The following RORC variants were observed in gnomAD, a reference collection of about 807,000 sequenced individuals.
RORC encodes the protein RAR related orphan receptor C, also known as nuclear receptor ROR-gamma.
Under a neutral mutation model 64.5 loss-of-function variants are expected in RORC, and 13 were observed. The observed-to-expected ratio is 0.20, with a 90% CI of 0.13 to 0.32. RORC has a LOEUF of 0.32. Among genes scored for constraint, RORC ranks in the 10% least tolerant of loss-of-function variants. The pLI is 1.00. For missense variants in RORC, 468 were observed against 669.5 expected, an observed-to-expected ratio of 0.70 and a Z score of 3.32; for synonymous variants, 277 against 259.3, an observed-to-expected ratio of 1.07 and a Z score of -0.65.
chr1:151,807,425 G>A lies in RORC; in HGVS notation c.*47C>T, dbSNP rs1022784623. 5 of 1,586,066 alleles carry A rather than the reference G, an allele frequency of 3.2e-6. No homozygotes were observed. In the African/African-American group the frequency reaches 6.7e-5, roughly 21 times the overall value. On this transcript the variant is annotated 3_prime_UTR_variant, in exon 11 of 11. Coordinates refer to ENST00000318247, the MANE Select transcript of RORC (RefSeq NM_005060.4). The surrounding 1 kb of genome is among the most constrained non-coding windows in gnomAD (Gnocchi z 5.0). ...GTGAGGGTGGAACGGGGTCCAGGGA[G>A]GTGGGCCAGCAGGCCATAGGGAGAG...
Position 151,818,628 on chromosome 1 carries a change from C to G in RORC, c.71-1348G>C, listed in dbSNP as rs577861390. On this transcript the variant is annotated intron_variant, in intron 2 of 10. Coordinates refer to ENST00000318247, the MANE Select transcript of RORC (RefSeq NM_005060.4). ...TTCCCAGAGCACATGGGTCTCTTTTCCACCATCACTGACCTGCTGCCTCCC... is the reference window on the plus strand; with the variant it reads ...TTCCCAGAGCACATGGGTCTCTTTTGCACCATCACTGACCTGCTGCCTCCC... Among the ~76,000 whole-genome samples the G allele has an allele frequency of 2.0e-5, 3 of 152,338 alleles. No individual in the cohort carries two copies. The South Asian group carries it at 6.2e-4, about 32-fold the overall frequency.
intron 2 of RORC, among the ~76,000 whole-genome samples, chr1:151,823,204 A>C: frequency 6.6e-6 from 1 of 152,026 alleles, no homozygotes; most frequent in Admixed American, 6.6e-5. Context: ...TACCCTGGGG[A>C]CTTGGAGTCC....
At chr1:151,823,178 C>G (rs1652058590) in intron 2 of RORC, among the ~76,000 whole-genome samples, 1 of 152,110 alleles carries the variant, frequency 6.6e-6, no homozygotes, top group South Asian at 2.1e-4. Flanking sequence ...CCTGGGCTCT[C>G]AGGGTGATAT....
intron 7 of RORC, 42 bp downstream of exon 7, chr1:151,813,446 C>G (rs1230766452): frequency 2.5e-6 from 4 of 1,613,310 alleles, no homozygotes; most frequent in Admixed American, 3.3e-5. Context: ...CCACTTGGCT[C>G]TGTCCCCTTG....
intron 2 of RORC, among the ~76,000 whole-genome samples, chr1:151,823,004 G>A (rs1403336517): frequency 6.6e-6 from 1 of 152,182 alleles, no homozygotes; most frequent in Non-Finnish European, 1.5e-5. Flanking sequence ...CCTTGGTAGG[G>A]ACCGAATATT....
intron 8 of RORC, 43 bp downstream of exon 8, chr1:151,813,196 G>T (rs202231523): frequency 3.8e-6 from 6 of 1,568,976 alleles, no homozygotes; most frequent in African/African-American, 2.7e-5. Context: ...TTTGCCTGGG[G>T]TTGGCATCAG....
intron 2 of RORC, among the ~76,000 whole-genome samples, chr1:151,826,824 A>G (rs1364376036): frequency 6.6e-6 from 1 of 152,208 alleles, no homozygotes; most frequent in African/African-American, 2.4e-5. Flanking sequence ...TCCTCACAAA[A>G]TACTTTATGT....
Position 151,815,142 on chromosome 1 carries a change from C to A in RORC, c.582G>T (p.Gly194=). ...PSYSNNLAKA[G]LNGASCHLEY... The stretch of plus-strand genomic sequence containing the variant: ...CAAGGTGGCATGAGGCCCCATTGAG[C>A]CCTGCCTTGGCCAAGTTGTTGGAAT... Residue 194 remains glycine (G), a synonymous_variant, in exon 5 of 11, where the codon GGG becomes GGT. Coordinates refer to ENST00000318247, the MANE Select transcript of RORC (RefSeq NM_005060.4). 6.2e-7 allele frequency: 1 copy of A among 1,614,056 alleles called. No individual in the cohort carries two copies. The highest frequency in any genetic ancestry group is 1.1e-5 in the South Asian group (1 of 91,062).
chr1:151,811,527 G>C, intron 9 of RORC, 93 bp from the exon 10 acceptor site: 1 of 749,514 alleles, frequency 1.3e-6, no homozygotes, highest in Non-Finnish European at 2.3e-6. Flanking sequence ...ATCTGTGCTG[G>C]ATAGAGGTCT....
In RORC at chr1:151,821,658, C is replaced by G. The variant is rs920632229; in HGVS notation, c.71-4378G>C. 3.9e-5 allele frequency among the ~76,000 whole-genome samples: 6 copies of G among 152,272 alleles called. No individual in the cohort carries two copies. The East Asian group carries it at 1.2e-3, about 29-fold the overall frequency. ...GAAGTGGCAGATCTGGCATTTGAAC[C>G]TAGATCTCTGTAATTCTGCAGCCAG... On this transcript the variant is annotated intron_variant, in intron 2 of 10. Transcript: ENST00000318247.
chr1:151,827,913 G>A (rs527809354), intron 2 of RORC, among the ~76,000 whole-genome samples: 2 of 152,010 alleles, frequency 1.3e-5, no homozygotes, highest in South Asian at 4.2e-4. Flanking sequence ...CTGCTGCTCC[G>A]AAAGTCCCCC....
At chr1:151,812,316 G>C (rs768968466) in intron 9 of RORC, 2 of 152,176 alleles carry the variant, frequency 1.3e-5, no homozygotes, top group African/African-American at 4.8e-5. Flanking sequence ...CCATCCTGCT[G>C]TTCACTTTTA....
intron 10 of RORC, among the ~76,000 whole-genome samples, chr1:151,808,631 T>C (rs2101650404): frequency 6.6e-6 from 1 of 152,320 alleles, no homozygotes; most frequent in African/African-American, 2.4e-5. Context: ...CAAATATTTG[T>C]TGAGAACACA....
In RORC at chr1:151,807,735, T is replaced by G; in HGVS notation, c.1396-102A>C. On this transcript the variant is annotated intron_variant, in intron 10 of 10. Transcript: ENST00000318247. This position sits in a 1 kb window ranked among gnomAD's most constrained non-coding sequence, Gnocchi z 5.0. ...TGGGCTAGGACAAACCCTCCTTGCC[T>G]TCCCCTTATGTACTTGGCACTTTGG... 1 of 1,289,442 alleles carries G rather than the reference T, an allele frequency of 7.8e-7. No homozygotes were observed. Among genetic ancestry groups the G allele is most frequent in the Non-Finnish European group, 1.1e-6 (1 of 927,838 alleles). The allele number at this position is 1,289,442 out of a possible 1,614,324, so 79.9% of individuals were successfully genotyped here. A position where few individuals can be genotyped will look rare whatever the true frequency, so the allele number is the denominator to read the frequency against.
chr1:151,831,575 G>T, intron 1 of RORC, 150 bp downstream of exon 1: 1 of 1,500,080 alleles, frequency 6.7e-7, no homozygotes, highest in Non-Finnish European at 9.1e-7. Flanking sequence ...TTCTCCTCCA[G>T]TTTCACTCCC....
chr1:151,809,013 A>G, intron 10 of RORC, among the ~76,000 whole-genome samples: 1 of 152,198 alleles, frequency 6.6e-6, no homozygotes, highest in East Asian at 1.9e-4. Context: ...CAAGTGAGAA[A>G]AGAAGGCAGG....
chr1:151,815,442 G>T lies in RORC; in HGVS notation c.299-17C>A. On this transcript the variant is annotated splice_polypyrimidine_tract_variant and intron_variant, in intron 4 of 10. Transcript: ENST00000318247. ...ACTTGACAGCTGAAAGAGGTCCAGGGACCAGGGGTTTATGAGGCAGGAGAA... is the reference window on the plus strand; with the variant it reads ...ACTTGACAGCTGAAAGAGGTCCAGGTACCAGGGGTTTATGAGGCAGGAGAA... The T allele has an allele frequency of 6.6e-7, 1 of 1,518,858 alleles. No individual in the cohort carries two copies. Among genetic ancestry groups the T allele is most frequent in the South Asian group, 1.3e-5 (1 of 75,348 alleles). 94.1% of individuals were successfully genotyped at this position (1,518,858 alleles called of 1,614,324 possible).
chr1:151,829,032 GCTGAGTTC>G lies in RORC; in HGVS notation c.70+389_70+396del, dbSNP rs569328811. Among the ~76,000 whole-genome samples, 38 of 150,058 alleles carry G rather than the reference GCTGAGTTC, an allele frequency of 2.5e-4. No homozygotes were observed. In the South Asian group the frequency reaches 6.7e-3, roughly 27 times the overall value. ...GCTCCCTGTCTCCCTTGGCAGCAGC[GCTGAGTTC>G]CTGAGTTCCTGAGGCCACCCCGCCT... is the stretch of plus-strand genomic sequence containing the variant. On this transcript the variant is annotated intron_variant, in intron 2 of 10. Transcript: ENST00000318247.
chr1:151,816,117 CCTT>C (rs1558166142), intron 4 of RORC, among the ~76,000 whole-genome samples: 1 of 152,198 alleles, frequency 6.6e-6, no homozygotes, highest in African/African-American at 2.4e-5. Flanking sequence ...ACCCTAGGCT[CCTT>C]CTGTGGTGGT....
Sources: allele counts gnomAD v4.1 joint callset (sites outside exome capture counted in the v4.1 genomes callset), GRCh38; gene constraint gnomAD v4.1.1; non-coding constraint Gnocchi (gnomAD v3.1); transcripts MANE v1.5; gene names NCBI Gene and HGNC (gene_info 2026-07-23, HGNC 2026-07-21).